CMSS1: variants seen among roughly 807,000 people sequenced by gnomAD.
The protein encoded by CMSS1 is protein CMSS1.
CMSS1 carries 33 observed loss-of-function variants against 43.5 expected under a neutral mutation model. The observed-to-expected ratio is 0.76, with a 90% CI of 0.57 to 1.01. The LOEUF (loss-of-function observed/expected upper bound fraction) is 1.01. Among genes scored for constraint, CMSS1 ranks in the 50% least tolerant of loss-of-function variants. CMSS1 has a pLI of 0.00. For synonymous variants in CMSS1, 115 were observed against 117.2 expected, an observed-to-expected ratio of 0.98 and a Z score of 0.12; for missense variants, 313 against 326.4, an observed-to-expected ratio of 0.96 and a Z score of 0.32.
Position 99,942,344 on chromosome 3 carries a change from T to C in CMSS1, c.64+124301T>C, listed in dbSNP as rs1400403497. ...GACATGTTCTCCTGGGATTTACTTT[T>C]AAATACTCCAGAAAAAAATAATGGC... On this transcript the variant is annotated intron_variant, in intron 1 of 9. Transcript: ENST00000421999. Among the ~76,000 whole-genome samples, 4 of 152,208 alleles carry C rather than the reference T, an allele frequency of 2.6e-5. No individual in the cohort carries two copies. The East Asian group carries it at 7.7e-4, about 29-fold the overall frequency.
chr3:99,989,677 TA>T (rs1262309420), intron 1 of CMSS1, among the ~76,000 whole-genome samples: 40 of 142,916 alleles, frequency 2.8e-4, no homozygotes, highest in African/African-American at 1.0e-3. Flanking sequence ...TATATATATA[TA>T]TATATATTTT....
chr3:99,948,472 A>C (rs1708077315), intron 1 of CMSS1, among the ~76,000 whole-genome samples: 2 of 149,936 alleles, frequency 1.3e-5, no homozygotes, highest in Non-Finnish European at 3.0e-5. Context: ...TAAGTCCAAG[A>C]ATTGGAGGTT....
At chr3:100,116,957 T>C (rs1333455685) in intron 1 of CMSS1, among the ~76,000 whole-genome samples, 1 of 152,236 alleles carries the variant, frequency 6.6e-6, no homozygotes. Flanking sequence ...TTCATGTTCT[T>C]TCTATACCAT....
chr3:99,871,183 T>C (rs989208530), intron 1 of CMSS1, among the ~76,000 whole-genome samples: 1 of 152,234 alleles, frequency 6.6e-6, no homozygotes, highest in Non-Finnish European at 1.5e-5. Flanking sequence ...TGACTTAACC[T>C]GAGCCTAACT....
At chr3:99,825,211 A>C (rs1942514499) in intron 1 of CMSS1, among the ~76,000 whole-genome samples, 1 of 152,246 alleles carries the variant, frequency 6.6e-6, no homozygotes, top group Non-Finnish European at 1.5e-5. Context: ...TTGTTTTCAT[A>C]ATCATTCGTC....
intron 1 of CMSS1, among the ~76,000 whole-genome samples, chr3:100,049,644 C>CCTGAGACAGCAAGAGCAACCCTT (rs1346187659): frequency 6.6e-6 from 1 of 152,174 alleles, no homozygotes; most frequent in African/African-American, 2.4e-5. Flanking sequence ...TTCTGCCATT[C>CCTGAGACAGCAAGAGCAACCCTT]CTGAGACAGC....
chr3:99,922,667 C>A (rs1401109917), intron 1 of CMSS1, among the ~76,000 whole-genome samples: 1 of 152,178 alleles, frequency 6.6e-6, no homozygotes, highest in Non-Finnish European at 1.5e-5. Flanking sequence ...TCCATCTTTT[C>A]AGTATCAATA....
In CMSS1 at chr3:100,117,135, T is replaced by C. The variant is rs1305582899; in HGVS notation, c.65-29838T>C. Among the ~76,000 whole-genome samples, 3 of 152,182 alleles carry C rather than the reference T, an allele frequency of 2.0e-5. No individual in the cohort carries two copies. In the East Asian group the frequency reaches 5.8e-4, roughly 29 times the overall value. The stretch of plus-strand genomic sequence containing the variant: ...CATGTGTCAGGCACACTGTGAAAGA[T>C]AGACGTAGCCCTTGCCCTTGTGAAC... On this transcript the variant is annotated intron_variant, in intron 1 of 9. Coordinates refer to ENST00000421999, the MANE Select transcript of CMSS1 (RefSeq NM_032359.4).
intron 1 of CMSS1, among the ~76,000 whole-genome samples, chr3:100,122,699 G>A (rs545538827): frequency 1.3e-5 from 2 of 152,314 alleles, no homozygotes; most frequent in South Asian, 2.1e-4. Context: ...AATGCATTGT[G>A]TGCCAAACCT....
chr3:99,983,589 T>A (rs1576619750), intron 1 of CMSS1, among the ~76,000 whole-genome samples: 1 of 141,518 alleles, frequency 7.1e-6, no homozygotes, highest in East Asian at 2.0e-4. Flanking sequence ...ACTTGGGAGG[T>A]TGAGGCAAGA....
At chr3:99,962,081 A>G (rs1009106894) in intron 1 of CMSS1, among the ~76,000 whole-genome samples, 2 of 152,182 alleles carry the variant, frequency 1.3e-5, no homozygotes, top group African/African-American at 4.8e-5. Context: ...GAAGAGTACT[A>G]TGAGTTACCC....
intron 5 of CMSS1, among the ~76,000 whole-genome samples, chr3:100,167,517 T>G (rs1271555156): frequency 6.6e-6 from 1 of 152,246 alleles, no homozygotes; most frequent in African/African-American, 2.4e-5. Context: ...TAGTCACATT[T>G]AGGGACTTGG....
intron 2 of CMSS1, among the ~76,000 whole-genome samples, chr3:100,147,317 C>T (rs2066862296): frequency 1.6e-5 from 2 of 127,984 alleles, no homozygotes; most frequent in South Asian, 4.8e-4. Context: ...ATCACCCAGG[C>T]TGTAGTACAG....
At chr3:99,920,317 C>G (rs1373421755) in intron 1 of CMSS1, among the ~76,000 whole-genome samples, 1 of 151,992 alleles carries the variant, frequency 6.6e-6, no homozygotes, top group Non-Finnish European at 1.5e-5. Context: ...AAAAAATATG[C>G]AAGCTTTTTT....
intron 1 of CMSS1, among the ~76,000 whole-genome samples, chr3:99,974,876 G>A (rs563564192): frequency 6.6e-6 from 1 of 152,254 alleles, no homozygotes; most frequent in South Asian, 2.1e-4. Context: ...CTTGGCATGG[G>A]CTCTTGTGTT....
chr3:100,072,110 A>T (rs886629771), intron 1 of CMSS1, among the ~76,000 whole-genome samples: 2 of 152,162 alleles, frequency 1.3e-5, no homozygotes, highest in African/African-American at 4.8e-5. Context: ...CTCATCACCC[A>T]CTTGAGCGTT....
chr3:100,161,068 G>C (rs1157737977), intron 3 of CMSS1, among the ~76,000 whole-genome samples: 1 of 152,166 alleles, frequency 6.6e-6, no homozygotes, highest in East Asian at 1.9e-4. Flanking sequence ...TTATGGCTCA[G>C]CCTTGGAGAA....
intron 1 of CMSS1, among the ~76,000 whole-genome samples, chr3:99,831,574 C>CA (rs1333524626): frequency 6.6e-6 from 1 of 152,220 alleles, no homozygotes; most frequent in Non-Finnish European, 1.5e-5. Flanking sequence ...AAGTCAGTGA[C>CA]AGACTAATCA....
At chr3:100,036,942 C>G (rs1559734701) in intron 1 of CMSS1, among the ~76,000 whole-genome samples, 1 of 152,096 alleles carries the variant, frequency 6.6e-6, no homozygotes, top group East Asian at 1.9e-4. Context: ...AAATATCAGA[C>G]AAACCTAAAC....
Sources: gnomAD v4.1 joint callset for allele counts (sites outside exome capture counted in the v4.1 genomes callset) on GRCh38, gnomAD v4.1.1 for gene constraint, MANE v1.5 for transcripts, NCBI Gene and HGNC (gene_info 2026-07-23, HGNC 2026-07-21) for gene names.